Variants in PDE1A observed in about 807,000 individuals in gnomAD.
PDE1A encodes the protein dual specificity calcium/calmodulin-dependent 3',5'-cyclic nucleotide phosphodiesterase 1A.
In PDE1A, 35 loss-of-function variants were observed where a neutral mutation model predicts 61.7. The ratio of observed to expected loss-of-function variants is 0.57; its 90% CI spans 0.43 to 0.75. The LOEUF (loss-of-function observed/expected upper bound fraction) is 0.75. Ranked by LOEUF, PDE1A falls within the 30% of genes least tolerant of loss-of-function variation. PDE1A has a pLI of 0.00. For synonymous variants in PDE1A, 232 were observed against 213.2 expected, an observed-to-expected ratio of 1.09 and a Z score of -0.77; for missense variants, 597 against 630.6, an observed-to-expected ratio of 0.95 and a Z score of 0.57.
chr2:182,483,257 A>G (rs1020803733), intron 2 of PDE1A, among the ~76,000 whole-genome samples: 3 of 151,920 alleles, frequency 2.0e-5, no homozygotes, highest in Non-Finnish European at 4.4e-5. Context: ...CTGTATTCTC[A>G]ATATTTGATA....
At chr2:182,250,475 C>T (rs1691313585) in intron 2 of PDE1A, among the ~76,000 whole-genome samples, 2 of 152,084 alleles carry the variant, frequency 1.3e-5, no homozygotes, top group South Asian at 4.1e-4. Context: ...TCTTTCAGGC[C>T]ACCACTGAAG....
chr2:182,620,815 G>A, the PDE1A span, among the ~76,000 whole-genome samples: 742 of 152,096 alleles, frequency 4.9e-3, 2 homozygotes, highest in Non-Finnish European at 8.0e-3. Flanking sequence ...ATTTGAGTTC[G>A]CAACTCCAGT....
the PDE1A span, among the ~76,000 whole-genome samples, chr2:182,606,779 A>G: frequency 6.6e-6 from 1 of 152,204 alleles, no homozygotes; most frequent in African/African-American, 2.4e-5. Context: ...TTCATGAGAA[A>G]ATGGCACTGA....
chr2:182,287,037 A>G (rs12474371), intron 1 of PDE1A, among the ~76,000 whole-genome samples: 24,383 of 152,144 alleles, frequency 0.16, 2,384 homozygotes, highest in Non-Finnish European at 0.23. Context: ...CCTTGACTTC[A>G]TAATCTTGCC....
At chr2:182,356,413 A>G (rs1699183049) in intron 1 of PDE1A, among the ~76,000 whole-genome samples, 1 of 152,186 alleles carries the variant, frequency 6.6e-6, no homozygotes, top group Admixed American at 6.5e-5. Context: ...ATTAATGTCA[A>G]TTAGTAATTA....
chr2:182,639,509 A>C, the PDE1A span, among the ~76,000 whole-genome samples: 1 of 152,232 alleles, frequency 6.6e-6, no homozygotes, highest in African/African-American at 2.4e-5. Context: ...CAGAGGTTGC[A>C]GTGAGCCAAG....
intron 2 of PDE1A, among the ~76,000 whole-genome samples, chr2:182,454,764 T>C (rs553520165): frequency 1.3e-5 from 2 of 152,034 alleles, no homozygotes; most frequent in East Asian, 3.9e-4. Flanking sequence ...ATACAAAAAT[T>C]AATTCAAGAT....
chr2:182,643,450 C>G, the PDE1A span, among the ~76,000 whole-genome samples: 1 of 152,134 alleles, frequency 6.6e-6, no homozygotes, highest in Non-Finnish European at 1.5e-5. Context: ...TCAGTCTTAC[C>G]TTGTCTTTTC....
At chr2:182,626,717 TTATATATA>T in the PDE1A span, among the ~76,000 whole-genome samples, 2 of 29,116 alleles carry the variant, frequency 6.9e-5, no homozygotes, top group Non-Finnish European at 1.5e-4. Context: ...ACAAATGGCT[TTATATATA>T]TATATATATA....
intron 2 of PDE1A, among the ~76,000 whole-genome samples, chr2:182,475,277 C>T (rs1379978251): frequency 6.6e-6 from 1 of 152,000 alleles, no homozygotes; most frequent in East Asian, 1.9e-4. Flanking sequence ...TCTGGGACAG[C>T]AGCAACAGGT....
At chr2:182,334,428 C>T (rs899677344) in intron 1 of PDE1A, among the ~76,000 whole-genome samples, 124 of 152,202 alleles carry the variant, frequency 8.1e-4, no homozygotes, top group Non-Finnish European at 4.6e-4. Context: ...TTATGCAACA[C>T]GATCAAGTTG....
chr2:182,628,595 C>A, the PDE1A span, among the ~76,000 whole-genome samples: 2 of 152,084 alleles, frequency 1.3e-5, no homozygotes, highest in Admixed American at 1.3e-4. Context: ...AGTATTAGTA[C>A]TCTCAGAAAA....
intron 6 of PDE1A, among the ~76,000 whole-genome samples, chr2:182,226,223 AAAG>A (rs1411737780): frequency 2.7e-5 from 4 of 150,146 alleles, no homozygotes; most frequent in South Asian, 4.1e-4. Flanking sequence ...TCAATAGTAA[AAAG>A]AAATTAAATT....
intron 1 of PDE1A, among the ~76,000 whole-genome samples, chr2:182,361,210 T>C (rs1302761760): frequency 6.6e-6 from 1 of 152,120 alleles, no homozygotes; most frequent in Non-Finnish European, 1.5e-5. Flanking sequence ...GATTCTGTTA[T>C]TAACATGATT....
intron 2 of PDE1A, among the ~76,000 whole-genome samples, chr2:182,491,599 A>C (rs1338175020): frequency 6.6e-6 from 1 of 152,236 alleles, no homozygotes; most frequent in Admixed American, 6.5e-5. Flanking sequence ...TCCTAAGAAG[A>C]AAGACGAAAT....
chr2:182,383,131 C>A (rs1700828259), intron 1 of PDE1A, among the ~76,000 whole-genome samples: 1 of 152,148 alleles, frequency 6.6e-6, no homozygotes, highest in African/African-American at 2.4e-5. Context: ...TTGGGAATTT[C>A]TCATGCCGTC....
chr2:182,163,710 G>A (rs970333759), downstream of PDE1A, among the ~76,000 whole-genome samples: 2 of 152,072 alleles, frequency 1.3e-5, no homozygotes, highest in Non-Finnish European at 1.5e-5. Flanking sequence ...TTATAAAGGC[G>A]ACATATTTGG....
the PDE1A span, among the ~76,000 whole-genome samples, chr2:182,629,759 G>T: frequency 6.6e-6 from 1 of 152,182 alleles, no homozygotes; most frequent in African/African-American, 2.4e-5. Context: ...AAGGGTGACA[G>T]TGCTAGATCA....
At chr2:182,286,895 C>T (rs1278856028) in intron 1 of PDE1A, among the ~76,000 whole-genome samples, 3 of 152,072 alleles carry the variant, frequency 2.0e-5, no homozygotes, top group African/African-American at 7.2e-5. Context: ...CAGCCTAGTC[C>T]TTTTGCAATT....
Sources: gnomAD v4.1 joint callset for allele counts (sites outside exome capture counted in the v4.1 genomes callset) on GRCh38, gnomAD v4.1.1 for gene constraint, MANE v1.5 for transcripts, NCBI Gene and HGNC (gene_info 2026-07-23, HGNC 2026-07-21) for gene names.